MYO1B: variants seen among roughly 807,000 people sequenced by gnomAD.
MYO1B encodes unconventional myosin-Ib.
MYO1B carries 72 observed loss-of-function variants against 159.7 expected under a neutral mutation model. The ratio of observed to expected loss-of-function variants is 0.45; its 90% CI spans 0.37 to 0.55. The LOEUF (loss-of-function observed/expected upper bound fraction) is 0.55, where lower values mean the gene tolerates loss of function less well. Among genes scored for constraint, MYO1B ranks in the 20% least tolerant of loss-of-function variants. The probability of loss-of-function intolerance (pLI) is 0.00; values close to 1 mark genes in which losing one functional copy is unlikely to be tolerated. For synonymous variants in MYO1B, 468 were observed against 473.8 expected, an observed-to-expected ratio of 0.99 and a Z score of 0.16; for missense variants, 1,062 against 1,364.8, an observed-to-expected ratio of 0.78 and a Z score of 3.50.
At chr2:191,285,498 G>C (rs1479124911) in intron 2 of MYO1B, among the ~76,000 whole-genome samples, 1 of 152,128 alleles carries the variant, frequency 6.6e-6, no homozygotes, top group Admixed American at 6.6e-5. Context: ...CCTGACCCAA[G>C]GCCAGTGATT....
intron 21 of MYO1B, among the ~76,000 whole-genome samples, chr2:191,398,794 G>T (rs2126128131): frequency 6.6e-6 from 1 of 151,348 alleles, no homozygotes; most frequent in South Asian, 2.1e-4. Context: ...GGGCAGCCAG[G>T]CAGAGGGGCT....
At chr2:191,364,119 TAC>T (rs1239640129) in intron 10 of MYO1B, 37 bp from the exon 11 acceptor site, 1 of 1,500,888 alleles carries the variant, frequency 6.7e-7, no homozygotes. Flanking sequence ...GCAGCACGTG[TAC>T]AGTCACTTTT....
intron 7 of MYO1B, 69 bp from the exon 8 acceptor site, chr2:191,360,562 A>T: frequency 1.1e-6 from 1 of 930,002 alleles, no homozygotes; most frequent in Non-Finnish European, 1.7e-6. Flanking sequence ...AGAAAGTGAG[A>T]AGGAAAAAAA....
intron 2 of MYO1B, among the ~76,000 whole-genome samples, chr2:191,284,999 T>A (rs1002251526): frequency 6.6e-6 from 1 of 152,198 alleles, no homozygotes; most frequent in Admixed American, 6.5e-5. Flanking sequence ...CTTCTTTCCC[T>A]CTTTCTGTAT....
In MYO1B at chr2:191,299,132, TAGAAGTTCATGCTCC is replaced by T. The variant is rs763035240; in HGVS notation, c.251+2911_251+2925del. The stretch of plus-strand genomic sequence containing the variant: ...ATGTTTAGAAGTCTATTCTAGGTCA[TAGAAGTTCATGCTCC>T]AGAATATACATTTTTATCCTGGTGC... On this transcript the variant is annotated intron_variant, in intron 3 of 30. Coordinates refer to ENST00000392318, the MANE Select transcript of MYO1B (RefSeq NM_001130158.3). 2.9e-3 allele frequency among the ~76,000 whole-genome samples: 445 copies of T among 152,294 alleles called. 9 individuals are homozygous for T. The highest frequency in any genetic ancestry group is 4.0e-3 in the Non-Finnish European group (269 of 68,022).
At chr2:191,393,350 C>G in intron 20 of MYO1B, 128 bp downstream of exon 20, 1 of 1,090,360 alleles carries the variant, frequency 9.2e-7, no homozygotes, top group Non-Finnish European at 1.3e-6. Flanking sequence ...AATGGATGTT[C>G]TTAATGGTTC....
intron 2 of MYO1B, among the ~76,000 whole-genome samples, chr2:191,285,748 G>A (rs1688326253): frequency 6.6e-6 from 1 of 152,104 alleles, no homozygotes; most frequent in South Asian, 2.1e-4. Flanking sequence ...GAAACAAGGG[G>A]AGAAGCAGAG....
intron 25 of MYO1B, among the ~76,000 whole-genome samples, chr2:191,408,784 G>A (rs1022330285): frequency 2.6e-5 from 4 of 152,180 alleles, no homozygotes; most frequent in Non-Finnish European, 4.4e-5. Context: ...GCTCTATAGA[G>A]CTAGCTGGTA....
chr2:191,328,450 G>T (rs886493205), intron 3 of MYO1B, among the ~76,000 whole-genome samples: 1 of 152,176 alleles, frequency 6.6e-6, no homozygotes, highest in Non-Finnish European at 1.5e-5. Flanking sequence ...GTGGTCAGTC[G>T]CAGGCGTTAG....
intron 30 of MYO1B, 76 bp from the exon 31 acceptor site, chr2:191,423,739 TCGTCAAGATCAGTATCCATTAA>T: frequency 7.5e-7 from 1 of 1,342,218 alleles, no homozygotes. Flanking sequence ...CAGCCTGTAC[TCGTCAAGATCAGTATCCATTAA>T]AATACAAAAG....
intron 1 of MYO1B, among the ~76,000 whole-genome samples, chr2:191,246,677 A>G (rs1452340840): frequency 6.6e-6 from 1 of 152,114 alleles, no homozygotes; most frequent in African/African-American, 2.4e-5. Flanking sequence ...TAGGAGACAA[A>G]TTTTATAGAA....
In MYO1B at chr2:191,282,546, A is replaced by G. The variant is rs538355140; in HGVS notation, c.135+5516A>G. Among the ~76,000 whole-genome samples the G allele has an allele frequency of 5.9e-5, 9 of 152,382 alleles. No individual in the cohort carries two copies. The East Asian group carries it at 1.7e-3, about 29-fold the overall frequency. Reference sequence around the variant, plus strand: ...GGGAAAAAAAAATTTCAAATAGTACAGCCAGACATATCATAAAAATGTAGT... The same window carrying G: ...GGGAAAAAAAAATTTCAAATAGTACGGCCAGACATATCATAAAAATGTAGT... On this transcript the variant is annotated intron_variant, in intron 2 of 30. Transcript: ENST00000392318.
intron 3 of MYO1B, among the ~76,000 whole-genome samples, chr2:191,307,362 G>T (rs976325602): frequency 1.3e-5 from 2 of 152,126 alleles, no homozygotes; most frequent in Admixed American, 6.5e-5. Context: ...AGCAGTGAGG[G>T]TGACCAGAGG....
intron 3 of MYO1B, among the ~76,000 whole-genome samples, chr2:191,317,626 C>G (rs968606689): frequency 2.6e-5 from 4 of 152,274 alleles, no homozygotes; most frequent in East Asian, 1.9e-4. Context: ...TGTCCCTCCC[C>G]CTTCCCTCCA....
At chr2:191,410,041 T>G (rs938505245) in intron 26 of MYO1B, among the ~76,000 whole-genome samples, 1 of 152,186 alleles carries the variant, frequency 6.6e-6, no homozygotes, top group Non-Finnish European at 1.5e-5. Context: ...TGATAAGTGG[T>G]ACCATACAAC....
intron 26 of MYO1B, among the ~76,000 whole-genome samples, chr2:191,410,461 G>A (rs992654854): frequency 6.6e-6 from 1 of 152,178 alleles, no homozygotes; most frequent in African/African-American, 2.4e-5. Flanking sequence ...GAGTGAAAGG[G>A]GATATCTCAG....
rs769798129 is a variant in MYO1B at position 191,392,201 on chromosome 2, A to G, written c.2076A>G (p.Thr692=). Residue 692 remains threonine, a splice_region_variant and synonymous_variant, in exon 19 of 31, where the codon ACA becomes ACG. Coordinates refer to ENST00000392318, the MANE Select transcript of MYO1B (RefSeq NM_001130158.3). ...AGATATTCATCCGAAACCCAAGAAC[A>G]GTATGTAACGAAAACCTTTACACTC... The part of the protein sequence containing the change: ...RSKIFIRNPR[T]LFKLEDLRKQ... 1 of 1,595,914 alleles carries G rather than the reference A, an allele frequency of 6.3e-7. No homozygotes were observed. Among genetic ancestry groups the G allele is most frequent in the Non-Finnish European group, 8.6e-7 (1 of 1,166,998 alleles).
intron 1 of MYO1B, among the ~76,000 whole-genome samples, chr2:191,251,575 C>T (rs976733578): frequency 4.6e-5 from 7 of 152,162 alleles, no homozygotes; most frequent in Non-Finnish European, 8.8e-5. Flanking sequence ...TCTTCCTGGA[C>T]TCAAGATGCT....
chr2:191,356,613 C>T (rs1431127647), intron 7 of MYO1B, among the ~76,000 whole-genome samples: 1 of 151,996 alleles, frequency 6.6e-6, no homozygotes, highest in Non-Finnish European at 1.5e-5. Context: ...ATTGAAGAAA[C>T]CAGGTGCTGA....
Sources: allele counts gnomAD v4.1 joint callset (sites outside exome capture counted in the v4.1 genomes callset), GRCh38; gene constraint gnomAD v4.1.1; transcripts MANE v1.5; gene names NCBI Gene and HGNC (gene_info 2026-07-23, HGNC 2026-07-21).